The following SHBG variants were observed in gnomAD, a reference collection of about 807,000 sequenced individuals.
The protein encoded by SHBG is sex hormone binding globulin, also known as sex hormone-binding globulin.
In SHBG, 37 loss-of-function variants were observed where a neutral mutation model predicts 41.9. That is an observed-to-expected ratio of 0.88 (90% CI 0.68 to 1.16). The LOEUF is 1.16. SHBG is among the 50% of genes most tolerant of loss of function. The pLI is 0.00. For missense variants in SHBG, 466 were observed against 499.9 expected, an observed-to-expected ratio of 0.93 and a Z score of 0.65; for synonymous variants, 217 against 205.8, an observed-to-expected ratio of 1.05 and a Z score of -0.47.
intron 7 of SHBG, 55 bp downstream of exon 7, chr17:7,633,014 G>A (rs1567769164): frequency 1.3e-6 from 2 of 1,533,512 alleles, no homozygotes; most frequent in South Asian, 2.3e-5. Context: ...CAGCTCAAGG[G>A]AGGCGGCACA....
At chr17:7,624,137 A>C (rs2072148196), upstream of SHBG, among the ~76,000 whole-genome samples, 1 of 151,978 alleles carries the variant, frequency 6.6e-6, no homozygotes, top group South Asian at 2.1e-4. Context: ...TTTTTAGTAG[A>C]AACAGGGTTT....
At chr17:7,627,681 G>A (rs535512988), upstream of SHBG, 9 of 1,610,202 alleles carry the variant, frequency 5.6e-6, no homozygotes, top group East Asian at 2.2e-5. This position sits in a 1 kb window ranked among gnomAD's most constrained non-coding sequence, Gnocchi z 4.8. Context: ...CCTCGCAAAC[G>A]GCAACTAGAC....
upstream of SHBG, chr17:7,627,477 C>T: frequency 2.5e-6 from 4 of 1,607,094 alleles, no homozygotes; most frequent in Non-Finnish European, 3.4e-6. This position sits in a 1 kb window ranked among gnomAD's most constrained non-coding sequence, Gnocchi z 4.8. Flanking sequence ...CGAGCAGGTT[C>T]CCAAGGCGAG....
At position 7,631,760 on chromosome 17, in the gene SHBG, C is replaced by T. The variant is rs202019465; in HGVS notation, c.715+12C>T. 8.2e-5 allele frequency: 133 copies of T among 1,613,864 alleles called. No homozygotes were observed. The highest frequency in any genetic ancestry group is 2.9e-4 in the South Asian group (26 of 91,086). On this transcript the variant is annotated intron_variant, in intron 5 of 7. Coordinates refer to ENST00000380450, the MANE Select transcript of SHBG (RefSeq NM_001040.5). ...ATTCAATCTCCGAGGTAGATTTCCT[C>T]GGAGTCTATTTTTCCCACCCTGGCC...
In SHBG at chr17:7,617,761, T is replaced by C. The variant is rs1045853676; in HGVS notation, c.-62+3650T>C. ...TAATTATCTGGAAAGGATAAAATCATCTAAAATCAATAGTAATAATTATTC... is the reference window on the plus strand; with the variant it reads ...TAATTATCTGGAAAGGATAAAATCACCTAAAATCAATAGTAATAATTATTC... On this transcript the variant is annotated intron_variant, in intron 1 of 5. Transcript: ENST00000570547. Among the ~76,000 whole-genome samples the C allele has an allele frequency of 7.9e-5, 12 of 152,074 alleles. 1 individual carries two copies. Among genetic ancestry groups the C allele is most frequent in the Admixed American group, 3.9e-4 (6 of 15,260 alleles).
upstream of SHBG, chr17:7,627,409 T>G: frequency 6.2e-7 from 1 of 1,614,080 alleles, no homozygotes; most frequent in African/African-American, 1.3e-5. This position sits in a 1 kb window ranked among gnomAD's most constrained non-coding sequence, Gnocchi z 4.8. Flanking sequence ...CGAATTCGGC[T>G]AGCTCCTAAG....
chr17:7,614,764 G>GGCC (rs1002531230), intron 1 of SHBG: 4 of 231,982 alleles, frequency 1.7e-5, no homozygotes, highest in Admixed American at 5.8e-5. Context: ...TGAGGGAAAC[G>GGCC]GCCGCCGCCG....
intron 1 of SHBG, among the ~76,000 whole-genome samples, chr17:7,616,635 A>G (rs1316251302): frequency 7.1e-6 from 1 of 139,964 alleles, no homozygotes; most frequent in Non-Finnish European, 1.5e-5. Context: ...AACAACAACA[A>G]CAACAAATAA....
At chr17:7,632,624 G>A in intron 6 of SHBG, 128 bp from the exon 7 acceptor site, 1 of 745,062 alleles carries the variant, frequency 1.3e-6, no homozygotes, top group Non-Finnish European at 2.3e-6. Flanking sequence ...TTTAAGTGGT[G>A]AGAATGGCCA....
chr17:7,614,999 C>T lies in SHBG; in HGVS notation c.-62+888C>T, dbSNP rs538817303. 434 of 152,496 alleles carry T rather than the reference C, an allele frequency of 2.8e-3. 3 individuals are homozygous for T. The highest frequency in any genetic ancestry group is 4.5e-3 in the South Asian group (22 of 4,942). 9.4% of individuals were successfully genotyped at this position (152,496 alleles called of 1,614,324 possible). On this transcript the variant is annotated intron_variant, in intron 1 of 5. Transcript: ENST00000570547. ...GCTAGCGCCAGCTAGCGCATCGGGG[C>T]TTCCACATTCCCTTTCACTCTCTCA...
intron 1 of SHBG, among the ~76,000 whole-genome samples, chr17:7,617,421 G>T (rs907402822): frequency 6.6e-6 from 1 of 152,070 alleles, no homozygotes; most frequent in Admixed American, 6.6e-5. Flanking sequence ...AGACCAGTCT[G>T]GTGAAATTCC....
intron 1 of SHBG, among the ~76,000 whole-genome samples, chr17:7,616,623 T>TCAACAA (rs1055966219): frequency 6.9e-6 from 1 of 143,918 alleles, no homozygotes; most frequent in Non-Finnish European, 1.5e-5. Flanking sequence ...AGACTCCATC[T>TCAACAA]CAACAACAAC....
At chr17:7,614,514 C>A (rs776755617) in intron 1 of SHBG, 2 of 1,514,354 alleles carry the variant, frequency 1.3e-6, no homozygotes, top group South Asian at 1.2e-5. Context: ...ACATCCCCCC[C>A]AGAGGCCAGG....
At chr17:7,626,175 C>T (rs1348285609), upstream of SHBG, 1 of 323,388 alleles carries the variant, frequency 3.1e-6, no homozygotes, top group African/African-American at 2.5e-5. Flanking sequence ...GCGTGCGCGA[C>T]AGAGACTCTG....
intron 6 of SHBG, 108 bp downstream of exon 6, chr17:7,632,123 A>T: frequency 1.7e-6 from 2 of 1,154,858 alleles, no homozygotes; most frequent in South Asian, 2.4e-5. Flanking sequence ...CCCAGGGAAC[A>T]TAACAAGACT....
chr17:7,623,800 C>T (rs1342036591), upstream of SHBG, among the ~76,000 whole-genome samples: 1 of 152,046 alleles, frequency 6.6e-6, no homozygotes, highest in Non-Finnish European at 1.5e-5. Context: ...CTCACTCTGT[C>T]ACTCAGGCTG....
chr17:7,623,363 C>G (rs1273716887), upstream of SHBG, among the ~76,000 whole-genome samples: 1 of 152,232 alleles, frequency 6.6e-6, no homozygotes, highest in Non-Finnish European at 1.5e-5. Context: ...TCACTCCAAC[C>G]TGGGCAACAA....
intron 1 of SHBG, among the ~76,000 whole-genome samples, chr17:7,615,611 G>C (rs2071965653): frequency 1.3e-5 from 2 of 148,886 alleles, no homozygotes; most frequent in African/African-American, 2.5e-5. Context: ...CTGAGGTCAG[G>C]GGTTCGAGAC....
rs2150969532 is a variant in SHBG, at chr17:7,631,748, G to A, written c.715G>A (p.Asp239Asn). 3 of 1,614,020 alleles carry A rather than the reference G, an allele frequency of 1.9e-6. No homozygotes were observed. The change falls in exon 5 of 8, where the codon GAC (aspartate) becomes AAC (asparagine). Residue 239 changes from aspartate (D) to asparagine (N), a missense_variant and splice_region_variant. Asp to Asn is a conservative substitution (Grantham distance 23). Transcript: ENST00000380450. ...GACTCAGGCAGAATTCAATCTCCGAGGTAGATTTCCTCGGAGTCTATTTTT... is the reference window on the plus strand; with the variant it reads ...GACTCAGGCAGAATTCAATCTCCGAAGTAGATTTCCTCGGAGTCTATTTTT... Reference protein sequence around the residue: ...PGTQAEFNLRDIPQPHAEPWA... With the variant: ...PGTQAEFNLRNIPQPHAEPWA...
Sources: gnomAD v4.1 joint callset for allele counts (sites outside exome capture counted in the v4.1 genomes callset) on GRCh38, gnomAD v4.1.1 for gene constraint, Gnocchi (gnomAD v3.1) non-coding constraint, MANE v1.5 for transcripts, NCBI Gene and HGNC (gene_info 2026-07-23, HGNC 2026-07-21) for gene names.